The following PCNX1 variants were observed in gnomAD, a reference collection of about 807,000 sequenced individuals.
PCNX1 encodes pecanex 1, also known as pecanex-like protein 1.
In PCNX1, 78 loss-of-function variants were observed where a neutral mutation model predicts 242.2. The observed-to-expected ratio is 0.32, with a 90% CI of 0.27 to 0.39. The LOEUF is 0.39. Ranked by LOEUF, PCNX1 falls within the 10% of genes least tolerant of loss-of-function variation. The pLI, the probability that PCNX1 is intolerant of heterozygous loss-of-function variation, is 1.00. For synonymous variants in PCNX1, 1,024 were observed against 1,032.9 expected, an observed-to-expected ratio of 0.99 and a Z score of 0.17; for missense variants, 2,581 against 2,856.5, an observed-to-expected ratio of 0.90 and a Z score of 2.20.
intron 2 of PCNX1, among the ~76,000 whole-genome samples, chr14:70,958,668 A>T (rs962479019): frequency 6.6e-6 from 1 of 152,152 alleles, no homozygotes; most frequent in African/African-American, 2.4e-5. Flanking sequence ...CATTAAGAGT[A>T]GCAGATATAG....
rs753907992 is a variant in PCNX1 at position 71,036,079 on chromosome 14, G to C, written c.3789G>C (p.Gln1263His). 2.5e-6 allele frequency: 4 copies of C among 1,600,818 alleles called. No homozygotes were observed. Among genetic ancestry groups the C allele is most frequent in the East Asian group, 2.2e-5 (1 of 44,786 alleles). Residue 1263 changes from glutamine to histidine, a missense_variant, in exon 19 of 36, where the codon CAG (glutamine) becomes CAC (histidine). By Grantham distance (24) the Gln-to-His change is conservative. Transcript: ENST00000304743. Reference protein sequence around the residue: ...KLRNSVSERLQSDLVVCIVIG... With the variant: ...KLRNSVSERLHSDLVVCIVIG... ...TTTCCCCACAGAGTGAGCGATTACAGTCTGACCTGGTAGTATGCATTGTAA... is the reference window on the plus strand; with the variant it reads ...TTTCCCCACAGAGTGAGCGATTACACTCTGACCTGGTAGTATGCATTGTAA...
At chr14:71,101,843 G>A in intron 30 of PCNX1, 147 bp from the exon 31 acceptor site, 1 of 483,246 alleles carries the variant, frequency 2.1e-6, no homozygotes, top group Non-Finnish European at 3.6e-6. Context: ...AGTTATGACT[G>A]AGAATCTATA....
intron 11 of PCNX1, among the ~76,000 whole-genome samples, chr14:71,016,998 CAAA>C (rs2059977446): frequency 6.6e-6 from 1 of 151,844 alleles, no homozygotes; most frequent in African/African-American, 2.4e-5. Flanking sequence ...CAGAAAAAAA[CAAA>C]AGAAGAGGAA....
At chr14:71,021,541 T>C (rs2060101091) in intron 12 of PCNX1, among the ~76,000 whole-genome samples, 1 of 152,172 alleles carries the variant, frequency 6.6e-6, no homozygotes, top group Admixed American at 6.5e-5. Flanking sequence ...CTTTCTCTTC[T>C]CCATTTATAG....
At chr14:70,949,911 T>C (rs1265889163) in intron 2 of PCNX1, among the ~76,000 whole-genome samples, 1 of 152,188 alleles carries the variant, frequency 6.6e-6, no homozygotes, top group Non-Finnish European at 1.5e-5. Context: ...TTATCCCTGA[T>C]TTACAGATGT....
intron 26 of PCNX1, among the ~76,000 whole-genome samples, chr14:71,064,225 C>T (rs2141311847): frequency 6.6e-6 from 1 of 152,004 alleles, no homozygotes; most frequent in South Asian, 2.1e-4. Flanking sequence ...AGAATATCTC[C>T]TAGTAATACA....
At chr14:71,033,290 A>G (rs2060441204) in intron 16 of PCNX1, 139 bp from the exon 17 acceptor site, 3 of 546,316 alleles carry the variant, frequency 5.5e-6, no homozygotes, top group Non-Finnish European at 3.2e-6. Context: ...TTTCTGGAAT[A>G]AAATGCAATT....
intron 19 of PCNX1, 31 bp downstream of exon 19, chr14:71,036,188 T>C (rs747863292): frequency 1.4e-6 from 2 of 1,398,012 alleles, no homozygotes; most frequent in East Asian, 2.3e-5. Flanking sequence ...TTTATTTGTT[T>C]GTTTGTTTGA....
Position 70,990,326 on chromosome 14 carries a change from C to T in PCNX1, c.2444+1627C>T, listed in dbSNP as rs545877536. Among the ~76,000 whole-genome samples the T allele has an allele frequency of 5.3e-4, 80 of 151,966 alleles. 1 individual carries two copies. Among genetic ancestry groups the T allele is most frequent in the South Asian group, 4.8e-3 (23 of 4,820 alleles). On this transcript the variant is annotated intron_variant, in intron 7 of 35. Coordinates refer to ENST00000304743, the MANE Select transcript of PCNX1 (RefSeq NM_014982.3). ...CCTGTAATCCCAGCACTTTGGGAGGCTGAGGTGGGCGGATCACCTGAGGTC... is the reference window on the plus strand; with the variant it reads ...CCTGTAATCCCAGCACTTTGGGAGGTTGAGGTGGGCGGATCACCTGAGGTC...
chr14:70,922,758 CTT>C (rs200836942), intron 1 of PCNX1, among the ~76,000 whole-genome samples: 20 of 132,262 alleles, frequency 1.5e-4, no homozygotes, highest in Admixed American at 4.5e-4. Flanking sequence ...AGGTCATTAC[CTT>C]TTTTTTTTTT....
At chr14:71,089,058 G>T (rs867446752) in intron 29 of PCNX1, 134 bp from the exon 30 acceptor site, 22 of 641,664 alleles carry the variant, frequency 3.4e-5, no homozygotes, top group African/African-American at 5.5e-5. Context: ...CTGGTTCAGG[G>T]TTCTGACATT....
chr14:71,075,953 G>A (rs754232083), intron 27 of PCNX1, among the ~76,000 whole-genome samples: 4 of 151,960 alleles, frequency 2.6e-5, no homozygotes, highest in Non-Finnish European at 5.9e-5. Flanking sequence ...ATTTATGGTT[G>A]TGATTTTAAA....
At chr14:70,994,780 C>T (rs1365454684) in intron 7 of PCNX1, among the ~76,000 whole-genome samples, 1 of 151,688 alleles carries the variant, frequency 6.6e-6, no homozygotes, top group Non-Finnish European at 1.5e-5. Context: ...ATACTGAGAA[C>T]ATTAAAATTC....
chr14:70,996,691 T>G (rs1246156413), intron 8 of PCNX1, among the ~76,000 whole-genome samples: 1 of 152,158 alleles, frequency 6.6e-6, no homozygotes. Context: ...GTAAATATAA[T>G]GAAGAAAATC....
At chr14:70,930,772 TTA>T (rs2056766016) in intron 1 of PCNX1, among the ~76,000 whole-genome samples, 1 of 152,058 alleles carries the variant, frequency 6.6e-6, no homozygotes, top group South Asian at 2.1e-4. Flanking sequence ...CAGTAGAATA[TTA>T]TGTTTTTTTT....
At chr14:70,999,452 C>T (rs565144285) in intron 8 of PCNX1, among the ~76,000 whole-genome samples, 3 of 152,026 alleles carry the variant, frequency 2.0e-5, no homozygotes, top group African/African-American at 4.8e-5. Context: ...ACAATGTTGA[C>T]AAGAAATGAG....
At chr14:71,034,077 T>A in intron 18 of PCNX1, 41 bp downstream of exon 18, 1 of 1,074,868 alleles carries the variant, frequency 9.3e-7, no homozygotes, top group Non-Finnish European at 1.4e-6. Context: ...GACTTAAATC[T>A]TAGACAGTTG....
chr14:70,924,901 T>C (rs926500053), intron 1 of PCNX1, among the ~76,000 whole-genome samples: 1 of 152,090 alleles, frequency 6.6e-6, no homozygotes, highest in African/African-American at 2.4e-5. Context: ...CCTGAACTAG[T>C]TTATTCTTAC....
At chr14:70,994,396 G>GATAGATAGAT (rs1555357306) in intron 7 of PCNX1, among the ~76,000 whole-genome samples, 2 of 96,970 alleles carry the variant, frequency 2.1e-5, no homozygotes, top group Non-Finnish European at 4.4e-5. Flanking sequence ...ACAGGCTTAA[G>GATAGATAGAT]ATATATATAT....
Sources: allele counts gnomAD v4.1 joint callset (sites outside exome capture counted in the v4.1 genomes callset), GRCh38; gene constraint gnomAD v4.1.1; transcripts MANE v1.5; gene names NCBI Gene and HGNC (gene_info 2026-07-23, HGNC 2026-07-21).